The following CARHSP1 variants were observed in gnomAD, a reference collection of about 807,000 sequenced individuals.
The protein encoded by CARHSP1 is calcium regulated heat stable protein 1, also known as calcium-regulated heat-stable protein 1.
A neutral mutation model predicts 12.5 loss-of-function variants in CARHSP1; 14 were observed. That is an observed-to-expected ratio of 1.12 (90% confidence interval 0.74 to 1.75). The LOEUF is 1.75. CARHSP1 is among the 40% of genes most tolerant of loss of function. CARHSP1 has a pLI of 0.00. For synonymous variants in CARHSP1, 161 were observed against 82.0 expected, an observed-to-expected ratio of 1.96 and a Z score of -5.20; for missense variants, 343 against 201.6, an observed-to-expected ratio of 1.70 and a Z score of -4.25.
chr16:8,867,125 C>T (rs2061467605), intron 1 of CARHSP1: 1 of 152,590 alleles, frequency 6.6e-6, no homozygotes, highest in Admixed American at 6.5e-5. Context: ...CGCCCCAGTT[C>T]TCAGCCTGGA....
chr16:8,866,862 C>A (rs2061464134), intron 1 of CARHSP1, among the ~76,000 whole-genome samples: 2 of 152,106 alleles, frequency 1.3e-5, no homozygotes, highest in African/African-American at 4.8e-5. Flanking sequence ...AGGTGCAGCC[C>A]GGCGCCTACG....
rs1019050679 is a variant in CARHSP1 at position 8,858,159 on chromosome 16, T to C, written c.281+191A>G. 4.0e-5 allele frequency: 26 copies of C among 650,316 alleles called. No homozygotes were observed. The African/African-American group carries it at 4.6e-4, about 11-fold the overall frequency. The allele number at this position is 650,316 out of a possible 1,614,324, so 40.3% of individuals were successfully genotyped here. ...CCTCACATCCCCCAACACAGCTCCG[T>C]AGAGTCTCACAACCCCAACCCAACA... On this transcript the variant is annotated intron_variant, in intron 3 of 3. Transcript: ENST00000311052.
At chr16:8,860,506 G>A (rs1312086398) in intron 1 of CARHSP1, 5 of 985,366 alleles carry the variant, frequency 5.1e-6, no homozygotes, top group Non-Finnish European at 6.0e-6. Context: ...TCAGGGGAAA[G>A]AGAAACAGTC....
chr16:8,867,868 T>C (rs2061476151), intron 1 of CARHSP1: 3 of 152,332 alleles, frequency 2.0e-5, no homozygotes, highest in Admixed American at 2.0e-4. Flanking sequence ...TGCTGAGAAG[T>C]TGGGGACTTA....
chr16:8,859,763 A>T (rs922714627), intron 1 of CARHSP1: 1 of 155,428 alleles, frequency 6.4e-6, no homozygotes, highest in Non-Finnish European at 1.4e-5. Context: ...GGATCACTTA[A>T]TGTCAGGAGT....
chr16:8,859,953 G>C (rs993015239), intron 1 of CARHSP1: 1 of 167,774 alleles, frequency 6.0e-6, no homozygotes, highest in Non-Finnish European at 1.2e-5. Context: ...CTCCAGCCTG[G>C]GCTACAGAGC....
At chr16:8,860,392 C>T (rs2061314449) in intron 1 of CARHSP1, 1 of 985,432 alleles carries the variant, frequency 1.0e-6, no homozygotes, top group Non-Finnish European at 1.2e-6. Context: ...CTAGCTGCTG[C>T]TGTGCTTTTG....
chr16:8,861,119 C>G (rs889597059), intron 1 of CARHSP1, among the ~76,000 whole-genome samples: 4 of 143,838 alleles, frequency 2.8e-5, no homozygotes, highest in African/African-American at 1.0e-4. Context: ...AGGGCAGTGG[C>G]ATAATCACAG....
At chr16:8,864,859 C>G (rs2061429029) in intron 1 of CARHSP1, among the ~76,000 whole-genome samples, 1 of 152,234 alleles carries the variant, frequency 6.6e-6, no homozygotes, top group Admixed American at 6.5e-5. Context: ...CTGGAAGGTT[C>G]TGGAGTTCAG....
At chr16:8,864,577 C>T (rs181346502) in intron 1 of CARHSP1, among the ~76,000 whole-genome samples, 7 of 152,310 alleles carry the variant, frequency 4.6e-5, no homozygotes, top group Admixed American at 2.6e-4. Context: ...TGGTGAAATA[C>T]GGAGTAAGTC....
intron 1 of CARHSP1, among the ~76,000 whole-genome samples, chr16:8,860,712 C>T (rs35540653): frequency 0.045 from 6,901 of 152,092 alleles, 231 homozygotes; most frequent in Middle Eastern, 0.13. Context: ...ACAGCAGCAG[C>T]CCTGGATCGG....
At chr16:8,860,458 A>G (rs980977291) in intron 1 of CARHSP1, 1 of 985,426 alleles carries the variant, frequency 1.0e-6, no homozygotes, top group African/African-American at 1.7e-5. Flanking sequence ...AACATTGAAT[A>G]TGAAGGTGTC....
intron 1 of CARHSP1, among the ~76,000 whole-genome samples, chr16:8,863,533 T>C (rs1254006273): frequency 6.6e-6 from 1 of 152,150 alleles, no homozygotes; most frequent in African/African-American, 2.4e-5. Context: ...GCTCACCTGA[T>C]AGTGGAAGAA....
Position 8,858,449 on chromosome 16 carries a change from G to T in CARHSP1, c.182C>A (p.Pro61His), listed in dbSNP as rs750103658. Residue 61 changes from proline (P) to histidine (H), a missense_variant, in exon 3 of 4, where the codon CCC (proline) becomes CAC (histidine). Pro to His is a moderately conservative substitution (Grantham distance 77). Coordinates refer to ENST00000311052, the MANE Select transcript of CARHSP1 (RefSeq NM_014316.4). ...GCATTTGCAGACTCCTTTGTAGACG[G>T]GGCCCTGTGAAGCCCGCACCGTCCT... is the stretch of plus-strand genomic sequence containing the variant. ...FSATVRASQG[P>H]VYKGVCKCFC... 1 of 1,613,932 alleles carries T rather than the reference G, an allele frequency of 6.2e-7. No individual in the cohort carries two copies. The highest frequency in any genetic ancestry group is 1.3e-5 in the African/African-American group (1 of 75,010).
intron 1 of CARHSP1, among the ~76,000 whole-genome samples, chr16:8,866,633 T>C (rs1201286781): frequency 1.3e-5 from 2 of 151,528 alleles, no homozygotes; most frequent in Non-Finnish European, 2.9e-5. Flanking sequence ...CAGGCTGGCC[T>C]AGCCACATTC....
chr16:8,865,032 C>T (rs1032961953), intron 1 of CARHSP1, among the ~76,000 whole-genome samples: 1 of 152,216 alleles, frequency 6.6e-6, no homozygotes. Flanking sequence ...CAGCCCTGTG[C>T]TTACTGCAAG....
chr16:8,865,789 G>A (rs1178742092), intron 1 of CARHSP1, among the ~76,000 whole-genome samples: 1 of 152,196 alleles, frequency 6.6e-6, no homozygotes, highest in African/African-American at 2.4e-5. Context: ...CGACCCAACA[G>A]GGGAGGCACT....
intron 1 of CARHSP1, chr16:8,861,635 G>T: frequency 7.8e-7 from 1 of 1,289,142 alleles, no homozygotes; most frequent in South Asian, 1.2e-5. Context: ...GCTGGTGGCT[G>T]GCTTGCCTTC....
At chr16:8,857,566 A>ATGGG (rs1193474428) in intron 3 of CARHSP1, 1 of 140,852 alleles carries the variant, frequency 7.1e-6, no homozygotes, top group African/African-American at 2.7e-5. Flanking sequence ...TGCTGGGACT[A>ATGGG]CAGGTGTGAG....
Sources: allele counts gnomAD v4.1 joint callset (sites outside exome capture counted in the v4.1 genomes callset), GRCh38; gene constraint gnomAD v4.1.1; transcripts MANE v1.5; gene names NCBI Gene and HGNC (gene_info 2026-07-23, HGNC 2026-07-21).